The following SLC4A4 variants were observed in gnomAD, a reference collection of about 807,000 sequenced individuals.
SLC4A4 encodes solute carrier family 4 member 4.
A neutral mutation model predicts 111.5 loss-of-function variants in SLC4A4; 27 were observed. The observed-to-expected ratio is 0.24, with a 90% confidence interval of 0.18 to 0.33. SLC4A4 has a LOEUF of 0.33. Ranked by LOEUF, SLC4A4 falls within the 10% of genes least tolerant of loss-of-function variation. The pLI, the probability that SLC4A4 is intolerant of heterozygous loss-of-function variation, is 1.00. For synonymous variants in SLC4A4, 443 were observed against 463.4 expected (o/e 0.96, Z 0.57); for missense variants, 909 against 1,315.5 (o/e 0.69, Z 4.78).
chr4:71,450,538 C>T lies in SLC4A4; in HGVS notation c.1203C>T (p.Asp401=). The T allele has an allele frequency of 6.2e-7, 1 of 1,612,812 alleles. No homozygotes were observed. Among genetic ancestry groups the T allele is most frequent in the Non-Finnish European group, 8.5e-7 (1 of 1,179,536 alleles). ...IEPPKSLPSS[D]KRKNMYSGGE... ...CTCCTAAGAGTCTTCCATCCTCTGA[C>T]AAAAGGTAAATTATAGGCAGTTGAT... Residue 401 remains aspartate (D), a synonymous_variant, in exon 10 of 26, where the codon GAC becomes GAT. Coordinates refer to ENST00000264485, the MANE Select transcript of SLC4A4 (RefSeq NM_001098484.3).
intron 15 of SLC4A4, among the ~76,000 whole-genome samples, chr4:71,489,051 T>TAAAC (rs55869439): frequency 0.72 from 108,031 of 151,000 alleles, 39,722 homozygotes; most frequent in Non-Finnish European, 0.82. Flanking sequence ...AAATGAGTTT[T>TAAAC]AAATATGATT....
chr4:71,121,358 C>T (rs1320774288), intron 2 of SLC4A4, among the ~76,000 whole-genome samples: 5 of 152,214 alleles, frequency 3.3e-5, no homozygotes, highest in Non-Finnish European at 5.9e-5. Context: ...GGAGTGCAGG[C>T]ACCAGGCGTG....
intron 6 of SLC4A4, among the ~76,000 whole-genome samples, chr4:71,380,198 C>T (rs184630761): frequency 2.0e-5 from 3 of 152,244 alleles, no homozygotes; most frequent in Admixed American, 1.3e-4. Context: ...TTAGGGCCTT[C>T]GTTTCTTACT....
At chr4:71,126,574 C>T (rs967473717) in intron 2 of SLC4A4, among the ~76,000 whole-genome samples, 30 of 152,066 alleles carry the variant, frequency 2.0e-4, no homozygotes, top group Non-Finnish European at 2.9e-4. Flanking sequence ...AGTATTGCTA[C>T]AGGTTTGTGA....
intron 2 of SLC4A4, among the ~76,000 whole-genome samples, chr4:71,151,572 T>A (rs953167443): frequency 6.6e-6 from 1 of 152,096 alleles, no homozygotes; most frequent in Non-Finnish European, 1.5e-5. Context: ...TTTCATCAAC[T>A]TTTTAGGCCT....
intron 16 of SLC4A4, among the ~76,000 whole-genome samples, chr4:71,527,564 T>C (rs1733525822): frequency 6.6e-6 from 1 of 151,996 alleles, no homozygotes; most frequent in African/African-American, 2.4e-5. Flanking sequence ...AAGTTTGAGA[T>C]GCCTGGTAGT....
chr4:71,188,091 G>A (rs1560767531), intron 1 of SLC4A4, among the ~76,000 whole-genome samples: 1 of 152,204 alleles, frequency 6.6e-6, no homozygotes, highest in Non-Finnish European at 1.5e-5. Flanking sequence ...GGCAAAGAGA[G>A]GTGATTTCTT....
At chr4:71,488,224 C>CTTAAG (rs1729597400) in intron 15 of SLC4A4, among the ~76,000 whole-genome samples, 1 of 151,062 alleles carries the variant, frequency 6.6e-6, no homozygotes, top group Non-Finnish European at 1.5e-5. Flanking sequence ...TAGTGAAACA[C>CTTAAG]TCACTTCCAC....
At chr4:71,495,247 C>T (rs1730298531) in intron 15 of SLC4A4, among the ~76,000 whole-genome samples, 1 of 152,102 alleles carries the variant, frequency 6.6e-6, no homozygotes, top group South Asian at 2.1e-4. Flanking sequence ...ATCAATAGAA[C>T]TTCCTGTCAG....
rs139325304 is a variant in SLC4A4, at chr4:71,436,082, C to T, written c.808-4534C>T. Among the ~76,000 whole-genome samples, 38 of 152,304 alleles carry T rather than the reference C, an allele frequency of 2.5e-4. 1 individual carries two copies. In the East Asian group the frequency reaches 7.1e-3, roughly 29 times the overall value. ...GGTATATACCCAAAAGATTATAAAT[C>T]ATTCTGCTATAAAGACACATGCACA... On this transcript the variant is annotated intron_variant, in intron 7 of 25. Coordinates refer to ENST00000264485, the MANE Select transcript of SLC4A4 (RefSeq NM_001098484.3).
chr4:71,268,672 A>G (rs1269233763), intron 3 of SLC4A4, among the ~76,000 whole-genome samples: 1 of 152,186 alleles, frequency 6.6e-6, no homozygotes, highest in African/African-American at 2.4e-5. Context: ...TAAATCAGAA[A>G]AGGTCTCAGG....
At chr4:71,536,449 C>CATATAT (rs1560597622) in intron 18 of SLC4A4, among the ~76,000 whole-genome samples, 2 of 4,848 alleles carry the variant, frequency 4.1e-4, no homozygotes, top group Non-Finnish European at 1.7e-3. Flanking sequence ...AGCATATATA[C>CATATAT]ATATATACAT....
intron 1 of SLC4A4, among the ~76,000 whole-genome samples, chr4:71,221,355 G>A (rs1161243956): frequency 2.6e-5 from 4 of 152,320 alleles, no homozygotes; most frequent in Non-Finnish European, 5.9e-5. Flanking sequence ...CTTCCACAAT[G>A]TGGACCACTC....
intron 3 of SLC4A4, among the ~76,000 whole-genome samples, chr4:71,293,051 C>A (rs1465455750): frequency 2.0e-5 from 3 of 150,074 alleles, no homozygotes; most frequent in African/African-American, 4.9e-5. Context: ...CCATCTTGGC[C>A]AGGCTGGTCT....
At chr4:71,229,812 GTTTTT>G in intron 1 of SLC4A4, among the ~76,000 whole-genome samples, 1 of 124,344 alleles carries the variant, frequency 8.0e-6, no homozygotes, top group South Asian at 2.7e-4. Context: ...CCCCTGCGAA[GTTTTT>G]TTTTTTTTTT....
chr4:71,542,442 A>G (rs1315973903), intron 18 of SLC4A4, among the ~76,000 whole-genome samples: 1 of 152,070 alleles, frequency 6.6e-6, no homozygotes, highest in Non-Finnish European at 1.5e-5. Flanking sequence ...AAAACCCTTC[A>G]GTGACTTCCT....
At chr4:71,348,847 G>C (rs554603981) in intron 4 of SLC4A4, among the ~76,000 whole-genome samples, 1 of 152,240 alleles carries the variant, frequency 6.6e-6, no homozygotes, top group South Asian at 2.1e-4. Context: ...CATCTTTAGT[G>C]AGTTAGGTGA....
chr4:71,250,002 G>A lies in SLC4A4; in HGVS notation c.74-5218G>A, dbSNP rs139422645. Reference sequence around the variant, plus strand: ...GTCCACTGTGCCTGGACTTGATACTGTAGTTTGGTTTAAGTTTTCTTATGC... The same window carrying A: ...GTCCACTGTGCCTGGACTTGATACTATAGTTTGGTTTAAGTTTTCTTATGC... On this transcript the variant is annotated intron_variant, in intron 2 of 25. Transcript: ENST00000264485. 2.5e-3 allele frequency among the ~76,000 whole-genome samples: 380 copies of A among 152,264 alleles called. 2 individuals carry two copies. The highest frequency in any genetic ancestry group is 0.011 in the Admixed American group (163 of 15,294).
At chr4:71,122,583 TA>T (rs529822324) in intron 2 of SLC4A4, among the ~76,000 whole-genome samples, 13 of 148,480 alleles carry the variant, frequency 8.8e-5, no homozygotes, top group South Asian at 2.1e-4. Flanking sequence ...ATGCCAGGTT[TA>T]AAAAAAAAAG....
Sources: allele counts gnomAD v4.1 joint callset (sites outside exome capture counted in the v4.1 genomes callset), GRCh38; gene constraint gnomAD v4.1.1; transcripts MANE v1.5; gene names NCBI Gene and HGNC (gene_info 2026-07-23, HGNC 2026-07-21).